Variants in ATP8A2 observed in about 807,000 individuals in gnomAD.
ATP8A2 encodes the protein ATPase phospholipid transporting 8A2, also known as phospholipid-transporting ATPase IB.
A neutral mutation model predicts 165.6 loss-of-function variants in ATP8A2; 100 were observed. The observed-to-expected ratio is 0.60, with a 90% CI of 0.51 to 0.71. The LOEUF is 0.71. Ranked by LOEUF, ATP8A2 falls within the 30% of genes least tolerant of loss-of-function variation. ATP8A2 has a pLI of 0.00. For synonymous variants in ATP8A2, 543 were observed against 548.8 expected, an observed-to-expected ratio of 0.99 and a Z score of 0.15; for missense variants, 1,227 against 1,479.5, an observed-to-expected ratio of 0.83 and a Z score of 2.80.
At chr13:25,927,008 C>T (rs1593573191) in intron 33 of ATP8A2, 1 of 395,968 alleles carries the variant, frequency 2.5e-6, no homozygotes, top group East Asian at 7.3e-5. Flanking sequence ...TCCTGCTGTG[C>T]CTCCCGCTCC....
chr13:25,737,271 T>C (rs2043792454), intron 25 of ATP8A2, among the ~76,000 whole-genome samples: 1 of 152,240 alleles, frequency 6.6e-6, no homozygotes, highest in Admixed American at 6.5e-5. Flanking sequence ...AAACTCACAC[T>C]CAGGTGTTTG....
chr13:25,918,711 C>G (rs1366533602), intron 33 of ATP8A2, among the ~76,000 whole-genome samples: 2 of 152,114 alleles, frequency 1.3e-5, no homozygotes, highest in African/African-American at 2.4e-5. Flanking sequence ...TGCAGTGAAA[C>G]CAAGGATAAG....
intron 33 of ATP8A2, among the ~76,000 whole-genome samples, chr13:25,872,067 C>T (rs1952695497): frequency 7.5e-6 from 1 of 133,080 alleles, no homozygotes; most frequent in Non-Finnish European, 1.6e-5. Context: ...CGCCCTCTTT[C>T]GGAATGCGCA....
intron 27 of ATP8A2, among the ~76,000 whole-genome samples, chr13:25,801,404 G>A (rs915894774): frequency 1.3e-5 from 2 of 152,106 alleles, no homozygotes; most frequent in African/African-American, 2.4e-5. Flanking sequence ...GTTCTGGCCC[G>A]CTGGCCAAAC....
In ATP8A2 at chr13:25,928,684, T is replaced by C. The variant is rs555316143; in HGVS notation, c.3184-32891T>C. ...CATCTTGTTGACTTTCCGTCACTAT[T>C]GTCCAAGATGACATTCCCAGACTCA... On this transcript the variant is annotated intron_variant, in intron 33 of 36. Transcript: ENST00000381655. Among the ~76,000 whole-genome samples, 9 of 152,370 alleles carry C rather than the reference T, an allele frequency of 5.9e-5. No individual in the cohort carries two copies. The South Asian group carries it at 1.4e-3, about 25-fold the overall frequency.
intron 30 of ATP8A2, among the ~76,000 whole-genome samples, chr13:25,850,563 C>T (rs1022928614): frequency 6.6e-6 from 1 of 151,056 alleles, no homozygotes; most frequent in Non-Finnish European, 1.5e-5. Flanking sequence ...TAGATAAATA[C>T]TGTTCCAAAG....
At chr13:25,586,250 G>T (rs975133607) in intron 23 of ATP8A2, among the ~76,000 whole-genome samples, 2 of 152,214 alleles carry the variant, frequency 1.3e-5, no homozygotes. Flanking sequence ...AATATGAGTT[G>T]TAAAGGACCA....
intron 23 of ATP8A2, among the ~76,000 whole-genome samples, chr13:25,587,938 G>A (rs2039969445): frequency 1.3e-5 from 2 of 152,156 alleles, no homozygotes; most frequent in African/African-American, 4.8e-5. Context: ...TAAATGTATA[G>A]AAAATTGCTT....
At chr13:25,416,628 C>G (rs899395659) in intron 1 of ATP8A2, among the ~76,000 whole-genome samples, 5 of 152,128 alleles carry the variant, frequency 3.3e-5, no homozygotes, top group African/African-American at 1.2e-4. Flanking sequence ...GATTCAAGAA[C>G]CCGTATCACT....
chr13:25,752,863 G>A (rs79355874), intron 25 of ATP8A2, among the ~76,000 whole-genome samples: 207 of 152,260 alleles, frequency 1.4e-3, no homozygotes, highest in African/African-American at 4.7e-3. Flanking sequence ...CTAGCTCAGG[G>A]CAAGGCTCCT....
chr13:25,740,080 C>T (rs967596613), intron 25 of ATP8A2, among the ~76,000 whole-genome samples: 6 of 152,154 alleles, frequency 3.9e-5, no homozygotes, highest in South Asian at 2.1e-4. Flanking sequence ...GAGGCCGAGA[C>T]GGGCGGATCA....
intron 2 of ATP8A2, among the ~76,000 whole-genome samples, chr13:25,510,174 AAC>A (rs57755000): frequency 0.17 from 21,511 of 128,364 alleles, 2,003 homozygotes; most frequent in East Asian, 0.47. Context: ...GTCTGTCTGT[AAC>A]ACACACACAC....
At chr13:25,675,977 C>G (rs1285117761) in intron 24 of ATP8A2, among the ~76,000 whole-genome samples, 1 of 151,968 alleles carries the variant, frequency 6.6e-6, no homozygotes, top group Non-Finnish European at 1.5e-5. Context: ...TTGGAGACCC[C>G]AAATATCCTG....
chr13:25,571,773 TA>T, intron 18 of ATP8A2, 81 bp downstream of exon 18: 2 of 1,175,740 alleles, frequency 1.7e-6, no homozygotes, highest in Non-Finnish European at 2.6e-6. Context: ...CTATTGTAAA[TA>T]TGATAGCTAA....
At chr13:26,019,587 G>T (rs1321585362) in intron 36 of ATP8A2, among the ~76,000 whole-genome samples, 1 of 152,194 alleles carries the variant, frequency 6.6e-6, no homozygotes. Context: ...GTGACCCACT[G>T]TGTGTGATTC....
chr13:25,480,163 G>A (rs527521334), intron 2 of ATP8A2, among the ~76,000 whole-genome samples: 3 of 142,474 alleles, frequency 2.1e-5, no homozygotes, highest in Non-Finnish European at 4.6e-5. Flanking sequence ...CTGGCCGGGT[G>A]GGGGGCTGAC....
intron 27 of ATP8A2, among the ~76,000 whole-genome samples, chr13:25,796,430 T>C (rs1420198153): frequency 4.6e-5 from 7 of 152,194 alleles, no homozygotes. Context: ...GGACCCTCTC[T>C]TCACTGCATA....
chr13:25,828,159 A>C lies in ATP8A2; in HGVS notation c.2721A>C (p.Leu907Phe). ...AFVNGFSGQILFERWCIGLYN... is the reference protein window; with the variant it reads ...AFVNGFSGQIFFERWCIGLYN... ...TTAATGGATTTTCTGGGCAGATTTT[A>C]TTTGAACGTTGGTGCATCGGCCTGT... Residue 907 changes from leucine (L) to phenylalanine (F), a missense_variant, in exon 28 of 37, where the codon TTA becomes TTC. This residue lies in a region of ATP8A2 where 592 missense variants were observed against 785.6 expected (regional missense o/e 0.75). Coordinates refer to ENST00000381655, the MANE Select transcript of ATP8A2 (RefSeq NM_016529.6). 1 of 1,614,098 alleles carries C rather than the reference A, an allele frequency of 6.2e-7. No individual in the cohort carries two copies. Among genetic ancestry groups the C allele is most frequent in the Non-Finnish European group, 8.5e-7 (1 of 1,179,982 alleles).
At chr13:26,006,202 T>C (rs1956732483) in intron 35 of ATP8A2, among the ~76,000 whole-genome samples, 1 of 152,094 alleles carries the variant, frequency 6.6e-6, no homozygotes, top group Non-Finnish European at 1.5e-5. Context: ...AGAAGTGTTT[T>C]ATAGTTTTTT....
Sources: gnomAD v4.1 joint callset for allele counts (sites outside exome capture counted in the v4.1 genomes callset) on GRCh38, gnomAD v4.1.1 for gene constraint, gnomAD v4.1.1 regional missense constraint, MANE v1.5 for transcripts, NCBI Gene and HGNC (gene_info 2026-07-23, HGNC 2026-07-21) for gene names.